Variants in DDX19B observed in about 807,000 individuals in gnomAD.
DDX19B encodes the protein ATP-dependent RNA helicase DDX19B.
A neutral mutation model predicts 58.1 loss-of-function variants in DDX19B; 27 were observed. The ratio of observed to expected loss-of-function variants is 0.46; its 90% confidence interval spans 0.34 to 0.64. DDX19B has a LOEUF of 0.64. DDX19B is among the 30% of genes least tolerant of loss of function. DDX19B has a pLI of 0.01. For missense variants in DDX19B, 399 were observed against 596.5 expected, an observed-to-expected ratio of 0.67 and a Z score of 3.45; for synonymous variants, 187 against 214.4, an observed-to-expected ratio of 0.87 and a Z score of 1.12.
chr16:70,321,523 T>C (rs1412974333), intron 5 of DDX19B, among the ~76,000 whole-genome samples: 2 of 152,216 alleles, frequency 1.3e-5, no homozygotes, highest in Non-Finnish European at 2.9e-5. Flanking sequence ...GTGCCTGTTA[T>C]ATAACAGATA....
intron 6 of DDX19B, 119 bp downstream of exon 6, chr16:70,324,806 C>T (rs1963054872): frequency 2.2e-6 from 2 of 921,704 alleles, no homozygotes. Context: ...AATCCCAGCA[C>T]TTTGGGAGGC....
chr16:70,327,704 G>T (rs745674773), intron 7 of DDX19B, among the ~76,000 whole-genome samples: 1 of 151,978 alleles, frequency 6.6e-6, no homozygotes, highest in Non-Finnish European at 1.5e-5. Context: ...GACTGAATTT[G>T]TTTAATTGCC....
At chr16:70,323,712 C>T (rs532277116) in intron 5 of DDX19B, among the ~76,000 whole-genome samples, 2 of 152,154 alleles carry the variant, frequency 1.3e-5, no homozygotes, top group South Asian at 4.1e-4. Flanking sequence ...GCATGAGCCA[C>T]CGCGCCTGGC....
intron 7 of DDX19B, among the ~76,000 whole-genome samples, chr16:70,326,204 T>G (rs532955713): frequency 6.6e-6 from 1 of 152,344 alleles, no homozygotes; most frequent in South Asian, 2.1e-4. Context: ...CCGGGCGCGG[T>G]GGCTCACGCC....
intron 1 of DDX19B, among the ~76,000 whole-genome samples, 164 bp downstream of exon 1, chr16:70,299,518 C>T (rs1376755323): frequency 1.3e-5 from 2 of 152,130 alleles, no homozygotes; most frequent in South Asian, 2.1e-4. Context: ...CAGCCGCCTC[C>T]GCGTTACGTA....
chr16:70,306,809 A>C (rs1043060530), intron 1 of DDX19B, among the ~76,000 whole-genome samples: 4 of 152,186 alleles, frequency 2.6e-5, no homozygotes, highest in African/African-American at 9.6e-5. Flanking sequence ...CTTATATCAC[A>C]GTCAATTTTA....
Position 70,317,520 on chromosome 16 carries a change from C to G in DDX19B, c.321C>G (p.Val107=), listed in dbSNP as rs1962498917. 1 of 1,613,400 alleles carries G rather than the reference C, an allele frequency of 6.2e-7. No homozygotes were observed. ...LRLKPQLLQG[V]YAMGFNRPSK... ...GGAAACCACAGCTTCTCCAAGGAGT[C>G]TATGCCATGGGTTTCAATCGTCCAT... Residue 107 remains valine (V), a synonymous_variant, in exon 5 of 12, where the codon GTC becomes GTG. Transcript: ENST00000288071.
intron 9 of DDX19B, among the ~76,000 whole-genome samples, chr16:70,331,375 C>G (rs553692228): frequency 5.3e-5 from 8 of 152,186 alleles, no homozygotes; most frequent in Non-Finnish European, 1.2e-4. Context: ...GAATGAAGAT[C>G]TTTGGCTAAA....
At chr16:70,328,337 T>A (rs1963290050) in intron 7 of DDX19B, among the ~76,000 whole-genome samples, 1 of 151,700 alleles carries the variant, frequency 6.6e-6, no homozygotes, top group African/African-American at 2.4e-5. Flanking sequence ...TGTATTCGAA[T>A]TAGAAGGGTA....
At chr16:70,306,441 G>C (rs1204741155) in intron 1 of DDX19B, among the ~76,000 whole-genome samples, 1 of 152,188 alleles carries the variant, frequency 6.6e-6, no homozygotes, top group Non-Finnish European at 1.5e-5. Context: ...ATGAGCCACT[G>C]CACCCGGCCA....
intron 5 of DDX19B, among the ~76,000 whole-genome samples, chr16:70,321,054 C>G (rs996676084): frequency 6.7e-5 from 10 of 150,338 alleles, no homozygotes; most frequent in African/African-American, 2.2e-4. Flanking sequence ...TCTCTGCCTT[C>G]CAGGTTCAAG....
intron 10 of DDX19B, 62 bp downstream of exon 10, chr16:70,331,946 C>T (rs578109470): frequency 1.3e-6 from 2 of 1,591,204 alleles, no homozygotes; most frequent in South Asian, 1.1e-5. Flanking sequence ...CAGTTAGAGC[C>T]AGAAATCCTT....
chr16:70,311,633 C>T (rs1273219222), intron 1 of DDX19B, among the ~76,000 whole-genome samples: 1 of 152,056 alleles, frequency 6.6e-6, no homozygotes, highest in Non-Finnish European at 1.5e-5. Flanking sequence ...TTTGAAATGT[C>T]TCTTTCCTTT....
At chr16:70,303,304 C>T (rs1356170950) in intron 1 of DDX19B, among the ~76,000 whole-genome samples, 2 of 152,100 alleles carry the variant, frequency 1.3e-5, no homozygotes, top group Non-Finnish European at 2.9e-5. Context: ...TGCGCCACCA[C>T]ATCTGGCTAA....
chr16:70,293,234 T>C (rs1227337121), upstream of DDX19B, among the ~76,000 whole-genome samples: 1 of 151,750 alleles, frequency 6.6e-6, no homozygotes, highest in African/African-American at 2.4e-5. Flanking sequence ...CTGAGCAACA[T>C]GACAAAACTC....
At chr16:70,310,790 G>C (rs1455463756) in intron 1 of DDX19B, among the ~76,000 whole-genome samples, 1 of 152,064 alleles carries the variant, frequency 6.6e-6, no homozygotes, top group African/African-American at 2.4e-5. Context: ...CAGCACTTTG[G>C]GAGGCCGAGG....
chr16:70,301,934 T>C (rs1440641228), intron 1 of DDX19B, among the ~76,000 whole-genome samples: 1 of 151,900 alleles, frequency 6.6e-6, no homozygotes. Flanking sequence ...TTTTTTTTTT[T>C]TTTGAAATGA....
intron 5 of DDX19B, among the ~76,000 whole-genome samples, chr16:70,323,231 C>T (rs1260563254): frequency 6.6e-6 from 1 of 151,974 alleles, no homozygotes; most frequent in African/African-American, 2.4e-5. Context: ...GTCAGCCTCC[C>T]AGGTAGCTGG....
Position 70,315,977 on chromosome 16 carries a change from G to A in DDX19B, c.169G>A (p.Ala57Thr). The A allele has an allele frequency of 6.2e-7, 1 of 1,613,716 alleles. No individual in the cohort carries two copies. Among genetic ancestry groups the A allele is most frequent in the Non-Finnish European group, 8.5e-7 (1 of 1,179,832 alleles). Residue 57 changes from alanine (A) to threonine (T), a missense_variant, in exon 4 of 12, where the codon GCT becomes ACT. Transcript: ENST00000288071. ...TTTCTTTTTCCTGACAGAGGACAGAGCTGCCCAGTCCTTACTCAACAAGCT... is the reference window on the plus strand; with the variant it reads ...TTTCTTTTTCCTGACAGAGGACAGAACTGCCCAGTCCTTACTCAACAAGCT... Reference protein sequence around the residue: ...KTDEEEKEDRAAQSLLNKLIR... With the variant: ...KTDEEEKEDRTAQSLLNKLIR...
Sources: allele counts gnomAD v4.1 joint callset (sites outside exome capture counted in the v4.1 genomes callset), GRCh38; gene constraint gnomAD v4.1.1; transcripts MANE v1.5; gene names NCBI Gene and HGNC (gene_info 2026-07-23, HGNC 2026-07-21).